The following UMAD1 variants were observed in gnomAD, a reference collection of about 807,000 sequenced individuals.
UMAD1 encodes the protein UBAP1-MVB12-associated (UMA)-domain containing protein 1.
In UMAD1, 8 loss-of-function variants were observed where a neutral mutation model predicts 6.1. The ratio of observed to expected loss-of-function variants is 1.30; its 90% confidence interval spans 0.76 to 2.35. The LOEUF is 2.35. UMAD1 is among the 30% of genes most tolerant of loss of function. UMAD1 has a pLI of 0.00. For synonymous variants in UMAD1, 56 were observed against 31.4 expected (o/e 1.78, Z -2.61); for missense variants, 130 against 78.4 (o/e 1.66, Z -2.49).
Position 7,877,404 on chromosome 7 carries a change from G to A in UMAD1, c.280G>A (p.Ala94Thr). 1.4e-6 allele frequency: 1 copy of A among 717,610 alleles called. No homozygotes were observed. Among genetic ancestry groups the A allele is most frequent in the Non-Finnish European group, 2.6e-6 (1 of 385,124 alleles). 44.5% of individuals were successfully genotyped at this position (717,610 alleles called of 1,614,324 possible). ...ELLSDVPFTL[A>T]PHVLAVQGTI... ...CCTGAGCGATGTGCCGTTCACCCTG[G>A]CCCCGCATGTGCTGGCAGTACAGGG... Residue 94 changes from alanine to threonine, a missense_variant, in exon 4 of 4, where the codon GCC becomes ACC. Physicochemically the swap from Ala to Thr is moderately conservative, Grantham distance 58 (BLOSUM62 0). Coordinates refer to ENST00000682710, the MANE Select transcript of UMAD1 (RefSeq NM_001302348.2).
intron 2 of UMAD1, among the ~76,000 whole-genome samples, chr7:7,688,169 C>G (rs999532680): frequency 2.0e-5 from 3 of 152,152 alleles, no homozygotes; most frequent in Admixed American, 2.0e-4. Flanking sequence ...TGCATTACAT[C>G]AGATTCTCAA....
Position 7,801,706 on chromosome 7 carries a change from G to A in UMAD1, c.119G>A (p.Gly40Asp), listed in dbSNP as rs1199853388. 7.0e-6 allele frequency: 5 copies of A among 717,966 alleles called. No individual in the cohort carries two copies. Among genetic ancestry groups the A allele is most frequent in the Non-Finnish European group, 1.3e-5 (5 of 385,214 alleles). The allele number at this position is 717,966 out of a possible 1,614,324, so 44.5% of individuals were successfully genotyped here. ...GATGAGCAAAGAATGACAGCAAGAG[G>A]CAAAACTTCGGACATAGAGGCCAAC... Reference protein sequence around the residue: ...TTDEQRMTARGKTSDIEANQP... With the variant: ...TTDEQRMTARDKTSDIEANQP... Residue 40 changes from glycine (G) to aspartate (D), a missense_variant, in exon 3 of 4, where the codon GGC (glycine) becomes GAC (aspartate). Transcript: ENST00000682710.
At chr7:7,796,268 T>TTTTTTTTTTTTTTTTTTTTTTTA (rs1782677902) in intron 2 of UMAD1, among the ~76,000 whole-genome samples, 1 of 98,446 alleles carries the variant, frequency 1.0e-5, no homozygotes, top group Admixed American at 1.2e-4. Context: ...TTTTTTTTTT[T>TTTTTTTTTTTTTTTTTTTTTTTA]GAGATGGAGT....
At chr7:7,764,088 C>A (rs1457409791) in intron 2 of UMAD1, among the ~76,000 whole-genome samples, 1 of 152,074 alleles carries the variant, frequency 6.6e-6, no homozygotes, top group African/African-American at 2.4e-5. Flanking sequence ...TAATGAGAGA[C>A]AATGCTTAGT....
intron 3 of UMAD1, among the ~76,000 whole-genome samples, chr7:7,811,615 G>A (rs1783023993): frequency 6.6e-6 from 1 of 152,144 alleles, no homozygotes; most frequent in Admixed American, 6.6e-5. Context: ...AGTCATGACT[G>A]TTTACCTCTT....
chr7:7,773,497 T>G (rs1782141170), intron 2 of UMAD1, among the ~76,000 whole-genome samples: 1 of 152,178 alleles, frequency 6.6e-6, no homozygotes, highest in South Asian at 2.1e-4. Context: ...AGAAATGCCT[T>G]AATTTGCATC....
intron 1 of UMAD1, among the ~76,000 whole-genome samples, chr7:7,667,985 T>G (rs1779512617): frequency 6.6e-6 from 1 of 152,170 alleles, no homozygotes; most frequent in African/African-American, 2.4e-5. Flanking sequence ...TGCAGTGCAG[T>G]GGCTCACTTT....
At chr7:7,643,862 C>G (rs1437947413) in intron 1 of UMAD1, among the ~76,000 whole-genome samples, 3 of 152,150 alleles carry the variant, frequency 2.0e-5, no homozygotes, top group Non-Finnish European at 4.4e-5. Context: ...AAGTAAACTT[C>G]CATTCCTGCT....
chr7:7,829,008 A>G (rs1208379140), intron 3 of UMAD1, among the ~76,000 whole-genome samples: 1 of 152,194 alleles, frequency 6.6e-6, no homozygotes, highest in Admixed American at 6.6e-5. Context: ...ATAAGGGATA[A>G]CATGTCTATA....
chr7:7,810,347 A>G (rs1374072290), intron 3 of UMAD1, among the ~76,000 whole-genome samples: 1 of 152,128 alleles, frequency 6.6e-6, no homozygotes, highest in Admixed American at 6.6e-5. Context: ...CAGTAATTCC[A>G]CTTTTAGGAT....
At chr7:7,778,275 T>TGAGA (rs1554327252) in intron 2 of UMAD1, among the ~76,000 whole-genome samples, 9,615 of 110,144 alleles carry the variant, frequency 0.087, 516 homozygotes, top group South Asian at 0.13. Context: ...TGTGTGTGTG[T>TGAGA]GAGAGAGAGA....
At chr7:7,801,356 C>T (rs1214892331) in intron 2 of UMAD1, among the ~76,000 whole-genome samples, 1 of 152,138 alleles carries the variant, frequency 6.6e-6, no homozygotes, top group East Asian at 1.9e-4. Flanking sequence ...TGCCTTAAGT[C>T]ATAAGCTTTC....
intron 3 of UMAD1, among the ~76,000 whole-genome samples, chr7:7,869,854 C>A (rs1012606800): frequency 7.9e-5 from 12 of 152,198 alleles, no homozygotes; most frequent in African/African-American, 2.9e-4. Flanking sequence ...GCGAGGTTCA[C>A]AAGGATGCCA....
chr7:7,732,626 A>G (rs920247081), intron 2 of UMAD1, among the ~76,000 whole-genome samples: 2 of 152,220 alleles, frequency 1.3e-5, no homozygotes, highest in African/African-American at 4.8e-5. Flanking sequence ...CCTCATTGAA[A>G]ACATTCTACA....
chr7:7,676,860 T>C (rs1414649472), intron 2 of UMAD1, among the ~76,000 whole-genome samples: 3 of 152,132 alleles, frequency 2.0e-5, no homozygotes, highest in Non-Finnish European at 4.4e-5. Flanking sequence ...TAGTTAATTG[T>C]CTTTAAAGTT....
At chr7:7,688,560 G>A (rs1780093846) in intron 2 of UMAD1, among the ~76,000 whole-genome samples, 1 of 152,182 alleles carries the variant, frequency 6.6e-6, no homozygotes, top group South Asian at 2.1e-4. Flanking sequence ...CAAGATCTCA[G>A]ATGAAATCTG....
chr7:7,686,399 G>A (rs1466898428), intron 2 of UMAD1, among the ~76,000 whole-genome samples: 1 of 152,116 alleles, frequency 6.6e-6, no homozygotes, highest in Non-Finnish European at 1.5e-5. Context: ...AAGCAGTAAA[G>A]TTATGGGTTT....
intron 2 of UMAD1, chr7:7,741,922 G>T: frequency 1.7e-5 from 3 of 177,942 alleles, no homozygotes; most frequent in Non-Finnish European, 3.5e-5. Flanking sequence ...TTTATTTTTA[G>T]CGTAATAAAA....
chr7:7,784,239 T>C (rs569090098), intron 2 of UMAD1, among the ~76,000 whole-genome samples: 1 of 152,244 alleles, frequency 6.6e-6, no homozygotes, highest in Non-Finnish European at 1.5e-5. Context: ...TTAATAAAGT[T>C]ATTGGAAAGA....
Sources: gnomAD v4.1 joint callset for allele counts (sites outside exome capture counted in the v4.1 genomes callset) on GRCh38, gnomAD v4.1.1 for gene constraint, MANE v1.5 for transcripts, NCBI Gene and HGNC (gene_info 2026-07-23, HGNC 2026-07-21) for gene names.